Variants in GREB1 observed in about 807,000 individuals in gnomAD.
GREB1 encodes growth regulating estrogen receptor binding 1.
In GREB1, 106 loss-of-function variants were observed where a neutral mutation model predicts 200.7. The ratio of observed to expected loss-of-function variants is 0.53; its 90% CI spans 0.45 to 0.62. The LOEUF (loss-of-function observed/expected upper bound fraction) is 0.62, where lower values mean the gene tolerates loss of function less well. GREB1 is among the 20% of genes least tolerant of loss of function. GREB1 has a pLI of 0.00. For synonymous variants in GREB1, 1,132 were observed against 1,092.4 expected, an observed-to-expected ratio of 1.04 and a Z score of -0.72; for missense variants, 2,243 against 2,556.8, an observed-to-expected ratio of 0.88 and a Z score of 2.65.
At chr2:11,486,801 G>C (rs532726845) in intron 1 of GREB1, among the ~76,000 whole-genome samples, 11 of 151,920 alleles carry the variant, frequency 7.2e-5, no homozygotes, top group Non-Finnish European at 1.3e-4. Flanking sequence ...CCGGGAAGTG[G>C]AGGTTGCAGT....
chr2:11,634,034 A>G, intron 28 of GREB1, 97 bp from the exon 29 acceptor site: 1 of 1,151,182 alleles, frequency 8.7e-7, no homozygotes, highest in South Asian at 1.3e-5. Context: ...CCAGGTGTTC[A>G]CGGCAGTCTG....
intron 1 of GREB1, among the ~76,000 whole-genome samples, chr2:11,551,294 A>T (rs1675796113): frequency 6.6e-6 from 1 of 152,212 alleles, no homozygotes; most frequent in Non-Finnish European, 1.5e-5. Flanking sequence ...CAACCAGTTG[A>T]ATCTCCACGT....
chr2:11,486,250 G>A (rs375887410), intron 1 of GREB1, among the ~76,000 whole-genome samples: 3 of 152,124 alleles, frequency 2.0e-5, no homozygotes, highest in Non-Finnish European at 4.4e-5. Context: ...CCTTAATGGA[G>A]AGTCTTGGAA....
At chr2:11,537,708 G>T (rs948842838) in intron 1 of GREB1, among the ~76,000 whole-genome samples, 5 of 144,818 alleles carry the variant, frequency 3.5e-5, no homozygotes, top group African/African-American at 5.0e-5. Context: ...TCATATATTA[G>T]ATAAATATAT....
chr2:11,593,177 G>C (rs774634717), intron 11 of GREB1, 51 bp downstream of exon 11: 1 of 1,275,282 alleles, frequency 7.8e-7, no homozygotes, highest in Admixed American at 2.4e-5. Context: ...CGGTGTTCCC[G>C]GTCCCCTCCT....
At chr2:11,570,543 T>G (rs946571415) in intron 4 of GREB1, among the ~76,000 whole-genome samples, 2 of 151,874 alleles carry the variant, frequency 1.3e-5, no homozygotes, top group African/African-American at 4.8e-5. Flanking sequence ...TTTAAAGCAA[T>G]TGGTGCATTT....
chr2:11,638,636 A>G, intron 31 of GREB1, 35 bp from the exon 32 acceptor site: 1 of 1,604,748 alleles, frequency 6.2e-7, no homozygotes, highest in Non-Finnish European at 8.5e-7. Context: ...ATTTCATAGA[A>G]AACGGTGCCC....
chr2:11,533,256 G>A (rs1029172636), upstream of GREB1, among the ~76,000 whole-genome samples: 2 of 152,086 alleles, frequency 1.3e-5, no homozygotes, highest in African/African-American at 2.4e-5. Flanking sequence ...GACAGATGGA[G>A]GAATATGTTT....
intron 17 of GREB1, among the ~76,000 whole-genome samples, chr2:11,606,355 T>C (rs1682291056): frequency 6.6e-6 from 1 of 152,208 alleles, no homozygotes; most frequent in Non-Finnish European, 1.5e-5. Context: ...GGTCAGTATT[T>C]TAAATTTTAT....
In GREB1 at chr2:11,588,854, A is replaced by G; in HGVS notation, c.1268A>G (p.Gln423Arg). ...CAGTCTGTCTCACGGGCATACGAGC[A>G]GTACGGCGCCTCTGCCATCCAGCCC... ...NSQSVSRAYE[Q>R]YGASAIQPIS... The change falls in exon 10 of 33, where the codon CAG becomes CGG. Residue 423 changes from glutamine to arginine, a missense_variant. Gln to Arg is a conservative substitution (Grantham distance 43, BLOSUM62 1). This residue lies in a region of GREB1 where 1,178 missense variants were observed against 1,387.4 expected (regional missense o/e 0.85). Transcript: ENST00000381486. 6.2e-7 allele frequency: 1 copy of G among 1,614,130 alleles called. No individual in the cohort carries two copies. Among genetic ancestry groups the G allele is most frequent in the East Asian group, 2.2e-5 (1 of 44,874 alleles).
At chr2:11,506,920 C>T (rs954200498) in intron 1 of GREB1, among the ~76,000 whole-genome samples, 7 of 151,050 alleles carry the variant, frequency 4.6e-5, no homozygotes, top group Admixed American at 1.3e-4. Context: ...GTTCCACCCA[C>T]GTTAAATACA....
chr2:11,501,858 G>A (rs1185712640), intron 1 of GREB1, among the ~76,000 whole-genome samples: 5 of 138,442 alleles, frequency 3.6e-5, no homozygotes, highest in Non-Finnish European at 1.5e-5. Context: ...ATGTTTGTGC[G>A]GAACTGATTT....
chr2:11,495,360 A>T (rs1672857390), intron 1 of GREB1, among the ~76,000 whole-genome samples: 1 of 152,188 alleles, frequency 6.6e-6, no homozygotes, highest in Non-Finnish European at 1.5e-5. Context: ...GGACTATATG[A>T]ACCTGCCATT....
intron 4 of GREB1, among the ~76,000 whole-genome samples, chr2:11,571,590 C>G (rs1300934236): frequency 6.6e-6 from 1 of 152,246 alleles, no homozygotes; most frequent in South Asian, 2.1e-4. Context: ...TGAGGAACTA[C>G]TGTCGTTGCT....
At chr2:11,504,885 G>T (rs147694652) in intron 1 of GREB1, among the ~76,000 whole-genome samples, 136 of 152,318 alleles carry the variant, frequency 8.9e-4, no homozygotes, top group Middle Eastern at 3.4e-3. Flanking sequence ...TATTGGCTCT[G>T]AGTAACAACT....
chr2:11,615,411 C>G (rs1033357891), intron 20 of GREB1, 121 bp downstream of exon 20: 1 of 805,128 alleles, frequency 1.2e-6, no homozygotes. Context: ...GTCCTGGGAC[C>G]TGTCTGCTGG....
chr2:11,581,998 G>A (rs917668142), intron 7 of GREB1, among the ~76,000 whole-genome samples: 9 of 152,184 alleles, frequency 5.9e-5, no homozygotes, highest in Non-Finnish European at 8.8e-5. Context: ...GCTGAGTCCC[G>A]TCCTCCGCAG....
In GREB1 at chr2:11,595,273, T is replaced by C. The variant is rs1210740066; in HGVS notation, c.1719T>C (p.Leu573=). 1 of 1,613,682 alleles carries C rather than the reference T, an allele frequency of 6.2e-7. No individual in the cohort carries two copies. Among genetic ancestry groups the C allele is most frequent in the Non-Finnish European group, 8.5e-7 (1 of 1,179,700 alleles). The change falls in exon 12 of 33, where the codon CTT becomes CTC. Residue 573 remains leucine (L), a synonymous_variant. Transcript: ENST00000381486. The stretch of plus-strand genomic sequence containing the variant: ...CAGGAAAATACCAAGCCCGGATTCT[T>C]TCCGAGAGCCTTCTCACTCCTGCGG... ...AVTGKYQARI[L]SESLLTPAEY... is the part of the protein sequence containing the mutation.
Position 11,637,858 on chromosome 2 carries a change from T to G in GREB1, c.5489T>G (p.Leu1830Arg). 6.2e-7 allele frequency: 1 copy of G among 1,614,234 alleles called. No homozygotes were observed. The highest frequency in any genetic ancestry group is 8.5e-7 in the Non-Finnish European group (1 of 1,180,042). ...HHSHLFFPLS[L>R]KNHDHPVLSV... ...AGCCACCTCTTCTTCCCGCTGTCCC[T>G]GAAGAACCATGACCACCCAGTGCTG... The change falls in exon 31 of 33, where the codon CTG becomes CGG. Residue 1830 changes from leucine to arginine, a missense_variant. Around this residue, in one of 3 missense-constraint regions of GREB1, gnomAD observed 478 missense variants for 616.3 expected, o/e 0.78. Transcript: ENST00000381486.
Sources: gnomAD v4.1 joint callset for allele counts (sites outside exome capture counted in the v4.1 genomes callset) on GRCh38, gnomAD v4.1.1 for gene constraint, gnomAD v4.1.1 regional missense constraint, MANE v1.5 for transcripts, NCBI Gene and HGNC (gene_info 2026-07-23, HGNC 2026-07-21) for gene names.